Variants in FAM78B observed in about 807,000 individuals in gnomAD.
The protein encoded by FAM78B is protein FAM78B.
Under a neutral mutation model 20.0 loss-of-function variants are expected in FAM78B, and 10 were observed. The ratio of observed to expected loss-of-function variants is 0.50; its 90% confidence interval spans 0.31 to 0.85. The LOEUF is 0.85. Among genes scored for constraint, FAM78B ranks in the 40% least tolerant of loss-of-function variants. FAM78B has a pLI of 0.05. For missense variants in FAM78B, 283 were observed against 345.0 expected (o/e 0.82, Z 1.42); for synonymous variants, 135 against 132.8 (o/e 1.02, Z -0.12).
chr1:166,162,248 G>C (rs73046969), intron 1 of FAM78B, among the ~76,000 whole-genome samples: 49 of 152,288 alleles, frequency 3.2e-4, no homozygotes, highest in African/African-American at 1.2e-3. Flanking sequence ...AGAGGTGAGC[G>C]GGTACAGCCA....
chr1:166,134,275 T>C (rs1274826275), intron 1 of FAM78B, among the ~76,000 whole-genome samples: 1 of 148,206 alleles, frequency 6.7e-6, no homozygotes, highest in African/African-American at 2.5e-5. Flanking sequence ...TATTTACTGA[T>C]CCACAGTATT....
chr1:166,124,286 T>TA (rs1654565572), intron 1 of FAM78B, among the ~76,000 whole-genome samples: 1 of 152,198 alleles, frequency 6.6e-6, no homozygotes, highest in Admixed American at 6.5e-5. Context: ...CCAGAGCTCT[T>TA]AGACTAGATT....
At chr1:166,140,745 C>CT (rs1437701113) in intron 1 of FAM78B, among the ~76,000 whole-genome samples, 1 of 152,104 alleles carries the variant, frequency 6.6e-6, no homozygotes, top group Non-Finnish European at 1.5e-5. Context: ...ACAAAGAAGC[C>CT]TTTTTTGGGG....
At position 166,061,720 on chromosome 1, in the gene FAM78B, T is replaced by A. The variant is rs1246673361; in HGVS notation, c.*410-1057A>T. ...CCATGCTCTTTGGTGCCACTTCCCC[T>A]TCCTGCAATAATGAGATTGGTTAGA... On this transcript the variant is annotated intron_variant and NMD_transcript_variant, in intron 2 of 2. Transcript: ENST00000435676. 2.0e-5 allele frequency among the ~76,000 whole-genome samples: 3 copies of A among 152,268 alleles called. No homozygotes were observed. In the East Asian group the frequency reaches 5.8e-4, roughly 29 times the overall value.
intron 1 of FAM78B, among the ~76,000 whole-genome samples, chr1:166,147,474 G>T (rs1655505157): frequency 6.6e-6 from 1 of 152,214 alleles, no homozygotes; most frequent in African/African-American, 2.4e-5. Flanking sequence ...GCACAAGTCT[G>T]CCTGGAGAAG....
chr1:166,100,972 C>T (rs558831724), intron 1 of FAM78B, among the ~76,000 whole-genome samples: 3 of 152,304 alleles, frequency 2.0e-5, no homozygotes, highest in South Asian at 2.1e-4. Flanking sequence ...CTCACATGGC[C>T]AGGTACCACT....
intron 2 of FAM78B, among the ~76,000 whole-genome samples, chr1:166,062,463 C>T (rs1557884758): frequency 2.0e-5 from 3 of 152,202 alleles, no homozygotes. Flanking sequence ...GATGAACGTG[C>T]CTGAAGAAGG....
rs760385185 is a variant in FAM78B at position 166,070,323 on chromosome 1, A to T, written c.704T>A (p.Val235Glu). 2 of 1,603,070 alleles carry T rather than the reference A, an allele frequency of 1.2e-6. No homozygotes were observed. Among genetic ancestry groups the T allele is most frequent in the Non-Finnish European group, 1.7e-6 (2 of 1,173,772 alleles). ...RMEPIPPNALVKPNANDAQVL... is the reference protein window; with the variant it reads ...RMEPIPPNALEKPNANDAQVL... ...CTGGGCATCATTGGCATTGGGTTTCACTAGTGCATTAGGGGGGATGGGTTC... is the reference window on the plus strand; with the variant it reads ...CTGGGCATCATTGGCATTGGGTTTCTCTAGTGCATTAGGGGGGATGGGTTC... The change falls in exon 2 of 2, where the codon GTG becomes GAG. Residue 235 changes from valine to glutamate, a missense_variant. By Grantham distance (121) the Val-to-Glu change is moderately radical. Coordinates refer to ENST00000354422, the MANE Select transcript of FAM78B (RefSeq NM_001017961.5).
At chr1:166,124,519 A>G (rs746343044) in intron 1 of FAM78B, among the ~76,000 whole-genome samples, 14 of 152,214 alleles carry the variant, frequency 9.2e-5, no homozygotes, top group South Asian at 4.1e-4. Context: ...GAAGCAAGGA[A>G]ACTGAGGCAC....
At chr1:166,107,757 T>TTAC (rs1278320929) in intron 1 of FAM78B, among the ~76,000 whole-genome samples, 1 of 152,138 alleles carries the variant, frequency 6.6e-6, no homozygotes, top group Non-Finnish European at 1.5e-5. Context: ...AAATACTTGC[T>TTAC]TACTGAATCC....
At chr1:166,157,036 A>ATT (rs1655929277) in intron 1 of FAM78B, among the ~76,000 whole-genome samples, 1 of 938 alleles carries the variant, frequency 1.1e-3, no homozygotes, top group African/African-American at 1.3e-3. Context: ...GGGGCGGCGG[A>ATT]GGGGGGGGGG....
rs149058219 is a variant in FAM78B, at chr1:166,147,412, T to TG, written c.263+18573dup. ...CTCAGGCCAGACCTTCTTGGGGAAC[T>TG]GAGTCCAAAGGATGAATAAGTTAGA... On this transcript the variant is annotated intron_variant, in intron 1 of 1. Coordinates refer to ENST00000354422, the MANE Select transcript of FAM78B (RefSeq NM_001017961.5). 5.4e-3 allele frequency among the ~76,000 whole-genome samples: 818 copies of TG among 152,316 alleles called. 23 individuals carry two copies. In the East Asian group the frequency reaches 0.058, roughly 11 times the overall value.
At chr1:166,126,807 A>G (rs914413614) in intron 1 of FAM78B, among the ~76,000 whole-genome samples, 3 of 152,234 alleles carry the variant, frequency 2.0e-5, no homozygotes, top group African/African-American at 4.8e-5. Flanking sequence ...GGAATATTAC[A>G]TATCTTGTCC....
intron 1 of FAM78B, among the ~76,000 whole-genome samples, chr1:166,113,443 C>T (rs12070881): frequency 0.038 from 5,732 of 152,318 alleles, 348 homozygotes; most frequent in African/African-American, 0.13. Context: ...TGTGATGAGA[C>T]AGCACGTGTG....
At chr1:166,113,986 C>T (rs755489237) in intron 1 of FAM78B, among the ~76,000 whole-genome samples, 1 of 151,808 alleles carries the variant, frequency 6.6e-6, no homozygotes, top group Non-Finnish European at 1.5e-5. Context: ...GCACTGCCCA[C>T]CACATTAGGG....
chr1:166,117,114 C>G (rs919026131), intron 1 of FAM78B, among the ~76,000 whole-genome samples: 1 of 152,174 alleles, frequency 6.6e-6, no homozygotes, highest in Non-Finnish European at 1.5e-5. Context: ...TTTCAGACCC[C>G]CCAGAACTCT....
At position 166,155,511 on chromosome 1, in the gene FAM78B, C is replaced by T. The variant is rs532288286; in HGVS notation, c.263+10475G>A. Among the ~76,000 whole-genome samples the T allele has an allele frequency of 8.5e-5, 13 of 152,238 alleles. No homozygotes were observed. The East Asian group carries it at 1.4e-3, about 16-fold the overall frequency. Reference sequence around the variant, plus strand: ...GCTCATGGTTTCACGGGGAGACAGACGAGCACATAGCTGCCCATCACTCAG... The same window carrying T: ...GCTCATGGTTTCACGGGGAGACAGATGAGCACATAGCTGCCCATCACTCAG... On this transcript the variant is annotated intron_variant, in intron 1 of 1. Coordinates refer to ENST00000354422, the MANE Select transcript of FAM78B (RefSeq NM_001017961.5).
At chr1:166,063,038 T>C (rs1651665694) in intron 2 of FAM78B, among the ~76,000 whole-genome samples, 1 of 152,320 alleles carries the variant, frequency 6.6e-6, no homozygotes, top group East Asian at 1.9e-4. Context: ...TCACCCATCC[T>C]CATGGAGCCC....
intron 2 of FAM78B, among the ~76,000 whole-genome samples, chr1:166,061,981 T>C (rs1651618848): frequency 6.6e-6 from 1 of 152,246 alleles, no homozygotes; most frequent in African/African-American, 2.4e-5. Flanking sequence ...TATTTCACTA[T>C]ATTATTTCTG....
Sources: allele counts gnomAD v4.1 joint callset (sites outside exome capture counted in the v4.1 genomes callset), GRCh38; gene constraint gnomAD v4.1.1; transcripts MANE v1.5; gene names NCBI Gene and HGNC (gene_info 2026-07-23, HGNC 2026-07-21).